The following CFAP69 variants were observed in gnomAD, a reference collection of about 807,000 sequenced individuals.
The protein encoded by CFAP69 is cilia- and flagella-associated protein 69.
CFAP69 carries 92 observed loss-of-function variants against 123.0 expected under a neutral mutation model. That is an observed-to-expected ratio of 0.75 (90% confidence interval 0.63 to 0.89). The LOEUF (loss-of-function observed/expected upper bound fraction) is 0.89. Among genes scored for constraint, CFAP69 ranks in the 40% least tolerant of loss-of-function variants. The probability of loss-of-function intolerance (pLI) is 0.00; values close to 1 mark genes in which losing one functional copy is unlikely to be tolerated. For missense variants in CFAP69, 1,067 were observed against 1,096.9 expected (o/e 0.97, Z 0.39); for synonymous variants, 380 against 364.3 (o/e 1.04, Z -0.49).
intron 2 of CFAP69, among the ~76,000 whole-genome samples, chr7:90,256,651 T>G (rs1797690694): frequency 1.3e-5 from 2 of 152,224 alleles, no homozygotes; most frequent in African/African-American, 4.8e-5. Context: ...TTCTCTGCTT[T>G]TTTACATATA....
At chr7:90,288,098 A>G (rs2117160103) in intron 14 of CFAP69, 136 bp from the exon 15 acceptor site, 1 of 595,106 alleles carries the variant, frequency 1.7e-6, no homozygotes, top group Non-Finnish European at 2.8e-6. Context: ...TTTAAATTGC[A>G]GTAAAAATAG....
Position 90,305,384 on chromosome 7 carries a change from C to CAAA in CFAP69, c.2265+576_2265+578dup, listed in dbSNP as rs200471433. On this transcript the variant is annotated intron_variant, in intron 19 of 22. Transcript: ENST00000389297. ...GATATAAAACTGTTCAGAAGCCTAG[C>CAAA]AAAAAAAAAAAAAATTATTTTTATG... Among the ~76,000 whole-genome samples, 326 of 134,972 alleles carry CAAA rather than the reference C, an allele frequency of 2.4e-3. 4 individuals are homozygous for CAAA. The East Asian group carries it at 0.038, about 16-fold the overall frequency. 88.5% of individuals were successfully genotyped at this position (134,972 alleles called of 152,430 possible). A position where few individuals can be genotyped will look rare whatever the true frequency, so the allele number is the denominator to read the frequency against.
At chr7:90,312,950 G>A (rs1794454515), downstream of CFAP69, 1 of 152,208 alleles carries the variant, frequency 6.6e-6, no homozygotes, top group African/African-American at 2.4e-5. Context: ...ACATGGGGGA[G>A]CTCATTCTAG....
intron 19 of CFAP69, among the ~76,000 whole-genome samples, chr7:90,306,417 T>C (rs1478748224): frequency 6.6e-6 from 1 of 152,130 alleles, no homozygotes. Context: ...TCCATTATAA[T>C]TTGCCTTAGC....
chr7:90,279,593 C>A, intron 11 of CFAP69, 84 bp from the exon 12 acceptor site: 9 of 740,714 alleles, frequency 1.2e-5, no homozygotes, highest in South Asian at 7.7e-5. Flanking sequence ...CCCAATAAAA[C>A]ATCAAAATGT....
chr7:90,313,747 C>G (rs1344680217), downstream of CFAP69, among the ~76,000 whole-genome samples: 1 of 152,106 alleles, frequency 6.6e-6, no homozygotes, highest in African/African-American at 2.4e-5. Context: ...GTGGGGGAAG[C>G]CTCCATACAA....
chr7:90,289,490 T>G (rs756358338), intron 15 of CFAP69, among the ~76,000 whole-genome samples: 7 of 152,190 alleles, frequency 4.6e-5, no homozygotes, highest in Non-Finnish European at 1.0e-4. Flanking sequence ...AATTACCTAT[T>G]GTTTTTTAGA....
intron 1 of CFAP69, among the ~76,000 whole-genome samples, chr7:90,251,241 A>G (rs1308113975): frequency 2.0e-5 from 3 of 152,168 alleles, no homozygotes; most frequent in African/African-American, 7.2e-5. Context: ...CAGCCTGGGA[A>G]GCTTTATAGT....
Position 90,271,883 on chromosome 7 carries a change from A to C in CFAP69, c.785A>C (p.Glu262Ala). 6.2e-7 allele frequency: 1 copy of C among 1,612,414 alleles called. No homozygotes were observed. Among genetic ancestry groups the C allele is most frequent in the Non-Finnish European group, 8.5e-7 (1 of 1,179,034 alleles). The part of the protein sequence containing the change: ...PSGQLLFRSS[E>A]ILWNLLEKSS... ...GGACAGCTTTTATTTCGTTCATCAG[A>C]AATACTTTGGAACTTGCTGGAAAAA... Residue 262 changes from glutamate to alanine, a missense_variant, in exon 8 of 23, where the codon GAA becomes GCA. Physicochemically the swap from Glu to Ala is moderately radical, Grantham distance 107. Coordinates refer to ENST00000389297, the MANE Select transcript of CFAP69 (RefSeq NM_001039706.3).
Position 90,286,313 on chromosome 7 carries a change from G to A in CFAP69, c.1570G>A (p.Glu524Lys). ...IFKNIISKPNEKEEAIVLEIQ... is the reference protein window; with the variant it reads ...IFKNIISKPNKKEEAIVLEIQ... The stretch of plus-strand genomic sequence containing the variant: ...TAAAAATATAATAAGCAAGCCTAAT[G>A]AAAAGGAAGAAGCCATTGTTTTGGA... Residue 524 changes from glutamate (E) to lysine (K), a missense_variant, in exon 14 of 23, where the codon GAA becomes AAA. By Grantham distance (56) the Glu-to-Lys change is moderately conservative (BLOSUM62 1). Coordinates refer to ENST00000389297, the MANE Select transcript of CFAP69 (RefSeq NM_001039706.3). 1 of 1,606,548 alleles carries A rather than the reference G, an allele frequency of 6.2e-7. No individual in the cohort carries two copies. The highest frequency in any genetic ancestry group is 8.5e-7 in the Non-Finnish European group (1 of 1,174,912).
intron 18 of CFAP69, chr7:90,304,344 T>G: frequency 7.9e-7 from 1 of 1,273,038 alleles, no homozygotes; most frequent in Non-Finnish European, 9.9e-7. Flanking sequence ...AATGTGCAGA[T>G]AGGATTAAGG....
Position 90,306,886 on chromosome 7 carries a change from A to G in CFAP69, c.2266-15A>G, listed in dbSNP as rs936173104. 7.0e-7 allele frequency: 1 copy of G among 1,430,230 alleles called. No individual in the cohort carries two copies. Among genetic ancestry groups the G allele is most frequent in the African/African-American group, 1.4e-5 (1 of 69,570 alleles). The allele number at this position is 1,430,230 out of a possible 1,614,324, so 88.6% of individuals were successfully genotyped here. A position where few individuals can be genotyped will look rare whatever the true frequency, so the allele number is the denominator to read the frequency against. On this transcript the variant is annotated splice_polypyrimidine_tract_variant and intron_variant, in intron 19 of 22. Coordinates refer to ENST00000389297, the MANE Select transcript of CFAP69 (RefSeq NM_001039706.3). ...TTTTTGGTTAATTTAACTTTGTTAA[A>G]CTTTGTTATAACAGATTGGAGAAAT...
In CFAP69 at chr7:90,245,520, G is replaced by A; in HGVS notation, c.96G>A (p.Val32=). ...SSSSQIPVVG[V]VTEDDEAQDV... ...CCAGTCAAATCCCGGTGGTTGGGGT[G>A]GTGACGGAGGACGATGAGGCGCAGG... is the stretch of plus-strand genomic sequence containing the variant. Residue 32 remains valine, a synonymous_variant, in exon 1 of 23, where the codon GTG becomes GTA. Coordinates refer to ENST00000389297, the MANE Select transcript of CFAP69 (RefSeq NM_001039706.3). 1.3e-6 allele frequency: 2 copies of A among 1,521,980 alleles called. No homozygotes were observed. The highest frequency in any genetic ancestry group is 1.8e-6 in the Non-Finnish European group (2 of 1,138,050). The allele number at this position is 1,521,980 out of a possible 1,614,324, so 94.3% of individuals were successfully genotyped here.
At position 90,277,161 on chromosome 7, in the gene CFAP69, GA is replaced by G. The variant is rs753104793; in HGVS notation, c.1033+41del. The G allele has an allele frequency of 5.7e-6, 9 of 1,573,038 alleles. No homozygotes were observed. The Admixed American group carries it at 1.7e-4, about 30-fold the overall frequency. On this transcript the variant is annotated intron_variant, in intron 10 of 22. Transcript: ENST00000389297. ...ACTTTAAACTTCTTATAATTATCTTGATAAGTCTTGTACAACATTTAAGCTT... is the reference window on the plus strand; with the variant it reads ...ACTTTAAACTTCTTATAATTATCTTGTAAGTCTTGTACAACATTTAAGCTT...
At chr7:90,267,310 G>A (rs1441069856) in intron 5 of CFAP69, among the ~76,000 whole-genome samples, 3 of 152,088 alleles carry the variant, frequency 2.0e-5, no homozygotes, top group African/African-American at 7.2e-5. Context: ...CCAGAGATGA[G>A]CGTCTTGCAA....
At chr7:90,282,521 C>G (rs1789644294) in intron 12 of CFAP69, among the ~76,000 whole-genome samples, 1 of 152,036 alleles carries the variant, frequency 6.6e-6, no homozygotes, top group South Asian at 2.1e-4. Context: ...TTTATTGTAA[C>G]AGTTTATAGT....
chr7:90,279,172 T>C (rs999352869), intron 11 of CFAP69, among the ~76,000 whole-genome samples: 26 of 152,132 alleles, frequency 1.7e-4, no homozygotes, highest in Admixed American at 1.7e-3. Context: ...TTTATGTAAG[T>C]ACTGTTGCAT....
chr7:90,250,049 G>T (rs923679887), intron 1 of CFAP69, among the ~76,000 whole-genome samples: 1 of 152,064 alleles, frequency 6.6e-6, no homozygotes, highest in Non-Finnish European at 1.5e-5. Flanking sequence ...TAGGGTTTTT[G>T]CAAGAAATAA....
At chr7:90,257,104 G>T (rs1797746380) in intron 2 of CFAP69, among the ~76,000 whole-genome samples, 1 of 152,104 alleles carries the variant, frequency 6.6e-6, no homozygotes, top group Admixed American at 6.5e-5. Context: ...GGAAAACAGA[G>T]ATCATAGTAG....
Sources: allele counts gnomAD v4.1 joint callset (sites outside exome capture counted in the v4.1 genomes callset), GRCh38; gene constraint gnomAD v4.1.1; transcripts MANE v1.5; gene names NCBI Gene and HGNC (gene_info 2026-07-23, HGNC 2026-07-21).